Variants in ADAMTSL1 observed in about 807,000 individuals in gnomAD.
ADAMTSL1 encodes the protein ADAMTS like 1.
ADAMTSL1 carries 126 observed loss-of-function variants against 201.8 expected under a neutral mutation model. That is an observed-to-expected ratio of 0.62 (90% confidence interval 0.54 to 0.72). The LOEUF (loss-of-function observed/expected upper bound fraction) is 0.72. Ranked by LOEUF, ADAMTSL1 falls within the 30% of genes least tolerant of loss-of-function variation. The pLI is 0.00. For synonymous variants in ADAMTSL1, 1,121 were observed against 903.4 expected, an observed-to-expected ratio of 1.24 and a Z score of -4.32; for missense variants, 2,679 against 2,277.8, an observed-to-expected ratio of 1.18 and a Z score of -3.59.
intron 1 of ADAMTSL1, among the ~76,000 whole-genome samples, chr9:17,993,925 T>C (rs541848952): frequency 1.3e-5 from 2 of 152,172 alleles, no homozygotes; most frequent in African/African-American, 2.4e-5. Flanking sequence ...TAGTGGGAGA[T>C]GGTTTTCTTT....
chr9:18,442,545 G>GA (rs766887973), intron 2 of ADAMTSL1, among the ~76,000 whole-genome samples: 4 of 151,592 alleles, frequency 2.6e-5, no homozygotes, highest in Non-Finnish European at 4.4e-5. Context: ...CAAAAAGAAG[G>GA]AAAAAAAATC....
At chr9:18,893,365 C>T (rs1829414994) in intron 26 of ADAMTSL1, among the ~76,000 whole-genome samples, 1 of 152,190 alleles carries the variant, frequency 6.6e-6, no homozygotes, top group Admixed American at 6.5e-5. Context: ...ACGTATGGTG[C>T]ACCAGTGATT....
At chr9:18,834,581 C>G (rs1443024448) in intron 23 of ADAMTSL1, among the ~76,000 whole-genome samples, 1 of 152,054 alleles carries the variant, frequency 6.6e-6, no homozygotes, top group Non-Finnish European at 1.5e-5. Flanking sequence ...CATATTTTAT[C>G]AGCCCCCAAA....
intron 1 of ADAMTSL1, among the ~76,000 whole-genome samples, chr9:17,925,932 A>G (rs1333326299): frequency 6.6e-6 from 1 of 152,060 alleles, no homozygotes; most frequent in East Asian, 1.9e-4. Context: ...GCTGCTCAAT[A>G]CCTTCTCTCC....
chr9:18,657,074 C>T (rs1012163569), intron 7 of ADAMTSL1, among the ~76,000 whole-genome samples: 6 of 152,056 alleles, frequency 3.9e-5, no homozygotes, highest in Admixed American at 6.6e-5. Flanking sequence ...TTTGAATTAC[C>T]TAGTTCGCTG....
chr9:18,030,376 A>G (rs1820896206), intron 1 of ADAMTSL1, among the ~76,000 whole-genome samples: 2 of 152,074 alleles, frequency 1.3e-5, no homozygotes, highest in East Asian at 1.9e-4. Context: ...GAAGGGGAAC[A>G]TCACACACCG....
At chr9:18,241,302 G>A (rs543488546) in intron 2 of ADAMTSL1, among the ~76,000 whole-genome samples, 33 of 152,144 alleles carry the variant, frequency 2.2e-4, no homozygotes, top group Middle Eastern at 3.4e-3. Flanking sequence ...TAATTTCAAC[G>A]TTCAATTATT....
intron 2 of ADAMTSL1, among the ~76,000 whole-genome samples, chr9:18,175,517 C>T (rs1828103776): frequency 2.0e-5 from 3 of 152,142 alleles, no homozygotes; most frequent in African/African-American, 7.2e-5. Context: ...TAGTCTGATT[C>T]CTACTTAACT....
intron 2 of ADAMTSL1, among the ~76,000 whole-genome samples, chr9:18,354,844 G>A (rs1405797637): frequency 3.9e-5 from 6 of 152,032 alleles, no homozygotes; most frequent in Non-Finnish European, 7.4e-5. Context: ...GGTGGTGCAC[G>A]CCTGTAGTCC....
chr9:18,254,667 G>GCCCCCCCGCCCC (rs1554645703), intron 2 of ADAMTSL1, among the ~76,000 whole-genome samples: 1 of 41,816 alleles, frequency 2.4e-5, no homozygotes, highest in African/African-American at 8.1e-5. Context: ...CTGCCCCCCC[G>GCCCCCCCGCCCC]CCCCCCCCAG....
At chr9:17,987,444 A>G (rs955533379) in intron 1 of ADAMTSL1, among the ~76,000 whole-genome samples, 40 of 152,144 alleles carry the variant, frequency 2.6e-4, no homozygotes, top group Non-Finnish European at 4.6e-4. Context: ...GAACACTACC[A>G]CACATATCTG....
chr9:18,385,333 C>G (rs140164687), intron 2 of ADAMTSL1, among the ~76,000 whole-genome samples: 58 of 152,160 alleles, frequency 3.8e-4, no homozygotes, highest in African/African-American at 1.4e-3. Context: ...TTGCCAATTG[C>G]CAGACATCCT....
chr9:18,307,711 G>A lies in ADAMTSL1; in HGVS notation c.207+143730G>A, dbSNP rs536631494. ...TTCATAAAGCAAGTTCTTAGAGACA[G>A]ACAAAGAGACTTAGACTCCCACATA... On this transcript the variant is annotated intron_variant, in intron 2 of 29. Coordinates refer to the ADAMTSL1 transcript ENST00000680146. Among the ~76,000 whole-genome samples the A allele has an allele frequency of 3.9e-3, 587 of 152,092 alleles. 3 individuals carry two copies. Among genetic ancestry groups the A allele is most frequent in the African/African-American group, 0.014 (562 of 41,508 alleles).
At chr9:18,350,177 C>T (rs1189735039) in intron 2 of ADAMTSL1, among the ~76,000 whole-genome samples, 1 of 151,978 alleles carries the variant, frequency 6.6e-6, no homozygotes, top group Non-Finnish European at 1.5e-5. Flanking sequence ...ACCTGGTCCC[C>T]AGGTGTGTAA....
chr9:18,795,338 A>C (rs1288790863), intron 19 of ADAMTSL1, 59 bp from the exon 20 acceptor site: 4 of 1,603,292 alleles, frequency 2.5e-6, no homozygotes, highest in African/African-American at 2.7e-5. Flanking sequence ...ACCAATATTG[A>C]ATGCCAAAAA....
chr9:18,076,409 G>A (rs959819703), intron 1 of ADAMTSL1, among the ~76,000 whole-genome samples: 2 of 152,084 alleles, frequency 1.3e-5, no homozygotes, highest in African/African-American at 4.8e-5. Context: ...TAAAACTTGT[G>A]GAAAAAGATC....
intron 3 of ADAMTSL1, among the ~76,000 whole-genome samples, chr9:18,572,099 G>A (rs1822350198): frequency 6.6e-6 from 1 of 151,892 alleles, no homozygotes; most frequent in South Asian, 2.1e-4. Context: ...GAAGGCTGAG[G>A]TAGGAGAACT....
intron 1 of ADAMTSL1, among the ~76,000 whole-genome samples, chr9:18,150,418 A>C (rs1826856882): frequency 6.6e-6 from 1 of 152,092 alleles, no homozygotes. Context: ...TGCCTATTAC[A>C]TTTGGTATCT....
chr9:18,862,726 A>G (rs1294410664), intron 23 of ADAMTSL1, among the ~76,000 whole-genome samples: 2 of 152,160 alleles, frequency 1.3e-5, no homozygotes, highest in Admixed American at 1.3e-4. Flanking sequence ...TCATCTGTGG[A>G]TTGAAATTAC....
Sources: gnomAD v4.1 joint callset for allele counts (sites outside exome capture counted in the v4.1 genomes callset) on GRCh38, gnomAD v4.1.1 for gene constraint, MANE v1.5 for transcripts, NCBI Gene and HGNC (gene_info 2026-07-23, HGNC 2026-07-21) for gene names.